DSCAM: variants seen among roughly 807,000 people sequenced by gnomAD.
DSCAM encodes cell adhesion molecule DSCAM.
DSCAM carries 47 observed loss-of-function variants against 217.7 expected under a neutral mutation model. That is an observed-to-expected ratio of 0.22 (90% CI 0.17 to 0.28). The LOEUF is 0.28. Among genes scored for constraint, DSCAM ranks in the 10% least tolerant of loss-of-function variants. The pLI is 1.00. For missense variants in DSCAM, 2,080 were observed against 2,618.3 expected, an observed-to-expected ratio of 0.79 and a Z score of 4.49; for synonymous variants, 1,056 against 1,015.3, an observed-to-expected ratio of 1.04 and a Z score of -0.76.
chr21:40,172,876 A>T (rs2090674569), intron 15 of DSCAM, among the ~76,000 whole-genome samples: 1 of 152,166 alleles, frequency 6.6e-6, no homozygotes, highest in South Asian at 2.1e-4. Flanking sequence ...CTTCTACAGG[A>T]GTTGGGTGGG....
At chr21:40,279,531 T>C (rs779438552) in intron 10 of DSCAM, among the ~76,000 whole-genome samples, 1 of 152,142 alleles carries the variant, frequency 6.6e-6, no homozygotes, top group Non-Finnish European at 1.5e-5. Flanking sequence ...TTAGTGGGAG[T>C]GTAAATTAGT....
chr21:40,066,652 T>C (rs192467675), intron 27 of DSCAM, among the ~76,000 whole-genome samples: 77 of 152,358 alleles, frequency 5.1e-4, no homozygotes, highest in African/African-American at 1.8e-3. Flanking sequence ...CCTATTAAAC[T>C]GTATCTTCTT....
intron 3 of DSCAM, among the ~76,000 whole-genome samples, chr21:40,582,582 G>C (rs2076913930): frequency 6.6e-6 from 1 of 152,158 alleles, no homozygotes; most frequent in African/African-American, 2.4e-5. Context: ...CATACAAGGA[G>C]AGATAGCAAA....
intron 3 of DSCAM, among the ~76,000 whole-genome samples, chr21:40,504,185 GGAGAAAAGAA>G (rs1601697382): frequency 6.6e-6 from 1 of 152,126 alleles, no homozygotes; most frequent in African/African-American, 2.4e-5. Flanking sequence ...GAAGAGGGGA[GGAGAAAAGAA>G]GAGAAAAGAG....
intron 11 of DSCAM, among the ~76,000 whole-genome samples, chr21:40,218,700 C>A (rs546080595): frequency 2.0e-5 from 3 of 152,098 alleles, no homozygotes; most frequent in African/African-American, 7.2e-5. Context: ...TTGTAGAGAT[C>A]TTTCACCTCC....
intron 29 of DSCAM, 112 bp downstream of exon 29, chr21:40,055,613 C>A (rs533109503): frequency 1.3e-6 from 1 of 746,252 alleles, no homozygotes; most frequent in Non-Finnish European, 2.3e-6. Context: ...TTGGTACTCA[C>A]GTAGCCTTCA....
intron 1 of DSCAM, among the ~76,000 whole-genome samples, chr21:40,719,285 C>G (rs2090876816): frequency 6.6e-6 from 1 of 152,134 alleles, no homozygotes; most frequent in African/African-American, 2.4e-5. Context: ...ACCAAAATAA[C>G]TACAATGGAA....
At chr21:40,659,866 G>A (rs2090120585) in intron 3 of DSCAM, among the ~76,000 whole-genome samples, 1 of 152,176 alleles carries the variant, frequency 6.6e-6, no homozygotes, top group African/African-American at 2.4e-5. Context: ...TTTCAGACAG[G>A]TTGCCAAATA....
chr21:40,737,903 T>C lies in DSCAM; in HGVS notation c.44-29132A>G, dbSNP rs185700615. On this transcript the variant is annotated intron_variant, in intron 1 of 32. Coordinates refer to ENST00000400454, the MANE Select transcript of DSCAM (RefSeq NM_001389.5). ...ACCTCCTGTCATGCAGAAACCACCTTCTTTTTCTGAAGGCACAGTCAATAA... is the reference window on the plus strand; with the variant it reads ...ACCTCCTGTCATGCAGAAACCACCTCCTTTTTCTGAAGGCACAGTCAATAA... Among the ~76,000 whole-genome samples, 24 of 152,276 alleles carry C rather than the reference T, an allele frequency of 1.6e-4. No individual in the cohort carries two copies. The East Asian group carries it at 4.4e-3, about 28-fold the overall frequency.
chr21:40,128,603 A>T (rs577264421), intron 19 of DSCAM, among the ~76,000 whole-genome samples: 1 of 150,378 alleles, frequency 6.6e-6, no homozygotes, highest in African/African-American at 2.4e-5. Flanking sequence ...AGACTTTCCT[A>T]TTGGTCCTGA....
chr21:40,834,986 C>G (rs1220825114), intron 1 of DSCAM, among the ~76,000 whole-genome samples: 1 of 152,192 alleles, frequency 6.6e-6, no homozygotes, highest in Non-Finnish European at 1.5e-5. Flanking sequence ...CCTTGGCCAC[C>G]AGTCAGGCTG....
intron 3 of DSCAM, among the ~76,000 whole-genome samples, chr21:40,517,804 G>A (rs2076315413): frequency 1.3e-5 from 2 of 152,102 alleles, no homozygotes; most frequent in Non-Finnish European, 2.9e-5. Context: ...CTCTTGAGGT[G>A]GCAGGAGGAA....
chr21:40,428,203 C>T (rs1946800292), intron 3 of DSCAM, among the ~76,000 whole-genome samples: 1 of 151,408 alleles, frequency 6.6e-6, no homozygotes, highest in Admixed American at 6.6e-5. Flanking sequence ...AAGGCGCTGG[C>T]CTCAACTGTG....
intron 3 of DSCAM, among the ~76,000 whole-genome samples, chr21:40,586,008 C>G (rs551627167): frequency 6.6e-6 from 1 of 152,190 alleles, no homozygotes; most frequent in African/African-American, 2.4e-5. Flanking sequence ...AGGTGCCCAC[C>G]ACCACACCCA....
At chr21:40,397,242 C>T (rs1057484646) in intron 3 of DSCAM, among the ~76,000 whole-genome samples, 3 of 151,904 alleles carry the variant, frequency 2.0e-5, no homozygotes, top group African/African-American at 7.3e-5. Flanking sequence ...GATGTGATCC[C>T]GTGTTGGAGG....
chr21:40,649,908 A>T (rs187580315), intron 3 of DSCAM, among the ~76,000 whole-genome samples: 1 of 152,252 alleles, frequency 6.6e-6, no homozygotes, highest in African/African-American at 2.4e-5. Context: ...GACAGAGTAG[A>T]GTTTGCTCCA....
chr21:40,354,905 T>C (rs957210767), intron 4 of DSCAM, among the ~76,000 whole-genome samples: 3 of 151,692 alleles, frequency 2.0e-5, no homozygotes, highest in Non-Finnish European at 2.9e-5. Context: ...CTGTTTAACT[T>C]TAGTAAAATT....
At chr21:40,363,775 A>G (rs559047809) in intron 4 of DSCAM, among the ~76,000 whole-genome samples, 24 of 152,258 alleles carry the variant, frequency 1.6e-4, no homozygotes, top group African/African-American at 4.8e-4. Flanking sequence ...TTTGCAATCT[A>G]CTCATCTGAC....
At chr21:40,311,329 T>C (rs2074134992) in intron 9 of DSCAM, among the ~76,000 whole-genome samples, 2 of 152,230 alleles carry the variant, frequency 1.3e-5, no homozygotes, top group East Asian at 1.9e-4. Context: ...TCACAGAATG[T>C]CTGTGTTTGA....
Sources: allele counts gnomAD v4.1 joint callset (sites outside exome capture counted in the v4.1 genomes callset), GRCh38; gene constraint gnomAD v4.1.1; transcripts MANE v1.5; gene names NCBI Gene and HGNC (gene_info 2026-07-23, HGNC 2026-07-21).